The following GNAS variants were observed in gnomAD, a reference collection of about 807,000 sequenced individuals.
GNAS encodes protein ALEX.
GNAS carries 8 observed loss-of-function variants against 54.5 expected under a neutral mutation model. The ratio of observed to expected loss-of-function variants is 0.15; its 90% CI spans 0.09 to 0.26. The LOEUF is 0.26. GNAS is among the 10% of genes least tolerant of loss of function. GNAS has a pLI of 1.00. For missense variants in GNAS, 170 were observed against 529.8 expected (o/e 0.32, Z 6.67); for synonymous variants, 204 against 191.4 (o/e 1.07, Z -0.54).
intron 1 of GNAS, among the ~76,000 whole-genome samples, chr20:58,875,103 G>T (rs1416961620): frequency 6.6e-6 from 1 of 152,128 alleles, no homozygotes; most frequent in South Asian, 2.1e-4. Flanking sequence ...AGGTTGTCTG[G>T]ATGACTGAAC....
At chr20:58,850,977 G>A (rs2145541013) in intron 1 of GNAS, 1 of 398,606 alleles carries the variant, frequency 2.5e-6, no homozygotes, top group East Asian at 3.6e-5. Flanking sequence ...TGATTGGCAT[G>A]ACCCCTGCCC....
chr20:58,855,659 G>GCCGGGGAGGGGCC, intron 1 of GNAS: 1 of 702,302 alleles, frequency 1.4e-6, no homozygotes, highest in South Asian at 1.5e-5. Flanking sequence ...GCCAGGAACT[G>GCCGGGGAGGGGCC]CCGGGGAGGG....
In GNAS at chr20:58,856,731, G is replaced by C. The variant is rs1216318358; in HGVS notation, c.43+15845G>C. 1 of 152,154 alleles carries C rather than the reference G, an allele frequency of 6.6e-6. No homozygotes were observed. Among genetic ancestry groups the C allele is most frequent in the Admixed American group, 6.5e-5 (1 of 15,280 alleles). The allele number at this position is 152,154 out of a possible 1,614,324, so 9.4% of individuals were successfully genotyped here. On this transcript the variant is annotated intron_variant, in intron 1 of 12. Transcript: ENST00000306090. This position sits in a 1 kb window ranked among gnomAD's most constrained non-coding sequence, Gnocchi z 4.2. The stretch of plus-strand genomic sequence containing the variant: ...TACAAAAAATATATAAAGGTATTTT[G>C]ATTACAGAAGTTAAAAATCATGATA...
Position 58,908,976 on chromosome 20 carries a change from C to G in GNAS, c.531-186C>G. The G allele has an allele frequency of 4.0e-6, 3 of 746,944 alleles. No individual in the cohort carries two copies. In the South Asian group the frequency reaches 4.1e-5, roughly 10 times the overall value. 46.3% of individuals were successfully genotyped at this position (746,944 alleles called of 1,614,324 possible). Reference sequence around the variant, plus strand: ...TTATCTTAAATCCTGTTTGCCCTAACCTTCTTAAGGCATCAGCTTTGAGTT... The same window carrying G: ...TTATCTTAAATCCTGTTTGCCCTAAGCTTCTTAAGGCATCAGCTTTGAGTT... On this transcript the variant is annotated intron_variant, in intron 6 of 12. Coordinates refer to ENST00000371085, the MANE Select transcript of GNAS (RefSeq NM_000516.7).
chr20:58,865,485 AATATG>A (rs575093019), intron 1 of GNAS, among the ~76,000 whole-genome samples: 116 of 148,018 alleles, frequency 7.8e-4, no homozygotes, highest in Middle Eastern at 3.6e-3. Context: ...AAATATATAT[AATATG>A]ATATATCATA....
chr20:58,850,064 AGCCAC>A (rs886307650), intron 1 of GNAS, among the ~76,000 whole-genome samples: 2 of 152,096 alleles, frequency 1.3e-5, no homozygotes, highest in Non-Finnish European at 2.9e-5. Context: ...GTGTTTACCC[AGCCAC>A]GCCCCATGTT....
At chr20:58,898,897 C>T (rs779898783) in intron 2 of GNAS, 44 bp from the exon 3 acceptor site, 13 of 1,538,716 alleles carry the variant, frequency 8.4e-6, no homozygotes, top group South Asian at 1.1e-5. Context: ...TGTGACACTG[C>T]GGTGCCTTGC....
Position 58,901,538 on chromosome 20 carries a change from T to A in GNAS, c.258-1993T>A, listed in dbSNP as rs566378171. 8.4e-4 allele frequency among the ~76,000 whole-genome samples: 128 copies of A among 152,126 alleles called. 6 individuals carry two copies. The South Asian group carries it at 0.026, about 31-fold the overall frequency. ...TTTTACTTAAATGGCCCTGAGGGGA[T>A]TCCTGGCAACATCTGTCCCCCCTCC... On this transcript the variant is annotated intron_variant, in intron 3 of 12. Transcript: ENST00000371085.
chr20:58,899,570 G>A (rs2090398064), intron 3 of GNAS: 1 of 540,192 alleles, frequency 1.9e-6, no homozygotes, highest in Non-Finnish European at 3.5e-6. Flanking sequence ...TGGTGGATAA[G>A]GAAATTCATG....
rs758817616 is a variant in GNAS, at chr20:58,853,847, C to T, written c.43+12961C>T. 1.9e-6 allele frequency: 3 copies of T among 1,594,178 alleles called. No individual in the cohort carries two copies. The Admixed American group carries it at 5.3e-5, about 28-fold the overall frequency. Reference sequence around the variant, plus strand: ...CAGGAGGCCCAGGTGCTGCAGGGGTCCCCGGAGCTCCTCCCGAGGAGCCCC... The same window carrying T: ...CAGGAGGCCCAGGTGCTGCAGGGGTTCCCGGAGCTCCTCCCGAGGAGCCCC... On this transcript the variant is annotated intron_variant, in intron 1 of 12. Transcript: ENST00000306090. The surrounding 1 kb of genome is among the most constrained non-coding windows in gnomAD (Gnocchi z 4.4).
intron 2 of GNAS, among the ~76,000 whole-genome samples, chr20:58,897,018 A>G (rs2146036195): frequency 6.6e-6 from 1 of 152,340 alleles, no homozygotes; most frequent in East Asian, 1.9e-4. Flanking sequence ...AGATCAAATA[A>G]TTGTTTAGAG....
intron 1 of GNAS, chr20:58,855,794 G>A: frequency 1.6e-6 from 1 of 607,148 alleles, no homozygotes; most frequent in South Asian, 2.0e-5. Flanking sequence ...TGTCGTTGGT[G>A]TGTGTTGGTG....
upstream of GNAS, among the ~76,000 whole-genome samples, chr20:58,886,681 T>C (rs1015228402): frequency 2.0e-5 from 3 of 152,122 alleles, no homozygotes; most frequent in African/African-American, 7.2e-5. Context: ...TCACAACTTT[T>C]AGGGCCTCAA....
At chr20:58,899,325 T>G (rs2090374956) in intron 3 of GNAS, 1 of 493,354 alleles carries the variant, frequency 2.0e-6, no homozygotes, top group South Asian at 1.8e-5. Flanking sequence ...ACCAGCTGCT[T>G]GTTTTAAAAC....
At chr20:58,859,684 T>C (rs549071628) in intron 1 of GNAS, among the ~76,000 whole-genome samples, 1 of 151,594 alleles carries the variant, frequency 6.6e-6, no homozygotes, top group East Asian at 1.9e-4. Flanking sequence ...TGGAGTGCGA[T>C]GGTGTGATTT....
In GNAS at chr20:58,873,041, G is replaced by C. The variant is rs913052763; in HGVS notation, c.44-22571G>C. ...CAAGGCGTTAGCCTCATCCCATCAGGAGGAGTTCAGACTCTCCCCAAGCAC... is the reference window on the plus strand; with the variant it reads ...CAAGGCGTTAGCCTCATCCCATCAGCAGGAGTTCAGACTCTCCCCAAGCAC... On this transcript the variant is annotated intron_variant, in intron 1 of 12. Transcript: ENST00000306090. The surrounding 1 kb of genome is among the most constrained non-coding windows in gnomAD (Gnocchi z 4.3). Among the ~76,000 whole-genome samples the C allele has an allele frequency of 5.3e-5, 8 of 152,150 alleles. No individual in the cohort carries two copies. The highest frequency in any genetic ancestry group is 7.3e-5 in the Non-Finnish European group (5 of 68,028).
intron 1 of GNAS, among the ~76,000 whole-genome samples, chr20:58,858,434 TAA>T (rs10544126): frequency 0.014 from 2,123 of 152,330 alleles, 35 homozygotes; most frequent in African/African-American, 0.047. Context: ...CTAAAATATC[TAA>T]AGAGTTCTTT....
At chr20:58,850,918 C>T (rs958606972) in intron 1 of GNAS, 1 of 398,720 alleles carries the variant, frequency 2.5e-6, no homozygotes, top group Non-Finnish European at 4.4e-6. Flanking sequence ...ACCTCCCACC[C>T]ATATCCGGTT....
chr20:58,892,830 G>A (rs977346694), intron 1 of GNAS, among the ~76,000 whole-genome samples: 10 of 151,742 alleles, frequency 6.6e-5, no homozygotes, highest in African/African-American at 2.4e-4. Flanking sequence ...AGACTTGCAG[G>A]CTTTTTCAAA....
Sources: gnomAD v4.1 joint callset for allele counts (sites outside exome capture counted in the v4.1 genomes callset) on GRCh38, gnomAD v4.1.1 for gene constraint, Gnocchi (gnomAD v3.1) non-coding constraint, MANE v1.5 for transcripts, NCBI Gene and HGNC (gene_info 2026-07-23, HGNC 2026-07-21) for gene names.